The following JAM3 variants were observed in gnomAD, a reference collection of about 807,000 sequenced individuals.
JAM3 encodes junctional adhesion molecule 3, also known as junctional adhesion molecule C.
JAM3 carries 31 observed loss-of-function variants against 39.4 expected under a neutral mutation model. The observed-to-expected ratio is 0.79, with a 90% CI of 0.59 to 1.06. JAM3 has a LOEUF of 1.06. Ranked by LOEUF, JAM3 falls within the 50% of genes least tolerant of loss-of-function variation. The probability of loss-of-function intolerance (pLI) is 0.00; values close to 1 mark genes in which losing one functional copy is unlikely to be tolerated. For synonymous variants in JAM3, 182 were observed against 148.7 expected (o/e 1.22, Z -1.63); for missense variants, 455 against 391.4 (o/e 1.16, Z -1.37).
chr11:134,080,531 C>T (rs151244114), intron 1 of JAM3, among the ~76,000 whole-genome samples: 7 of 152,168 alleles, frequency 4.6e-5, no homozygotes, highest in East Asian at 1.9e-4. Context: ...GAGATCTGAT[C>T]GGTTTAAAAA....
At chr11:134,118,487 T>G (rs1314300852) in intron 1 of JAM3, among the ~76,000 whole-genome samples, 4 of 152,162 alleles carry the variant, frequency 2.6e-5, no homozygotes, top group Admixed American at 2.6e-4. Flanking sequence ...GGGAAGTCAT[T>G]GCACCACTAC....
At chr11:134,103,919 T>A (rs1383109532) in intron 1 of JAM3, among the ~76,000 whole-genome samples, 1 of 152,202 alleles carries the variant, frequency 6.6e-6, no homozygotes, top group Non-Finnish European at 1.5e-5. Context: ...TGGGAGACTT[T>A]AACACCCCAC....
Position 134,077,310 on chromosome 11 carries a change from TA to T in JAM3, c.76+8152del, listed in dbSNP as rs201406114. On this transcript the variant is annotated intron_variant, in intron 1 of 8. Coordinates refer to ENST00000299106, the MANE Select transcript of JAM3 (RefSeq NM_032801.5). ...TGTCTTGCCCACTTTTTAATGGGAT[TA>T]TTTTTTTCTTAAGTTCCTTATAGAT... 8.0e-3 allele frequency among the ~76,000 whole-genome samples: 1,222 copies of T among 152,258 alleles called. 14 individuals carry two copies. The highest frequency in any genetic ancestry group is 0.028 in the African/African-American group (1,164 of 41,538).
rs772396337 is a variant in JAM3 at position 134,150,952 on chromosome 11, C to G, written c.*1771C>G. The G allele has an allele frequency of 6.6e-6, 1 of 152,174 alleles. No individual in the cohort carries two copies. Among genetic ancestry groups the G allele is most frequent in the Non-Finnish European group, 1.5e-5 (1 of 68,032 alleles). 9.4% of individuals were successfully genotyped at this position (152,174 alleles called of 1,614,324 possible). On this transcript the variant is annotated 3_prime_UTR_variant, in exon 9 of 9. Coordinates refer to ENST00000299106, the MANE Select transcript of JAM3 (RefSeq NM_032801.5). Reference sequence around the variant, plus strand: ...TAATTTTGACTTTAAATTTTTCATCCGCCGGAGACACTGCTCCCATTTGTG... The same window carrying G: ...TAATTTTGACTTTAAATTTTTCATCGGCCGGAGACACTGCTCCCATTTGTG...
At chr11:134,148,722 A>G (rs1456542152) in intron 7 of JAM3, 42 bp from the exon 8 acceptor site, 2 of 1,614,124 alleles carry the variant, frequency 1.2e-6, no homozygotes, top group South Asian at 1.1e-5. Flanking sequence ...GCTGGCAATA[A>G]TATAACAACC....
At chr11:134,093,131 T>C (rs35610630) in intron 1 of JAM3, among the ~76,000 whole-genome samples, 30,744 of 104,512 alleles carry the variant, frequency 0.29, 8,665 homozygotes, top group African/African-American at 0.66. Context: ...CTGAGCCCTC[T>C]TTATTCATCA....
intron 1 of JAM3, among the ~76,000 whole-genome samples, chr11:134,139,407 G>T (rs470608): frequency 6.6e-6 from 1 of 151,990 alleles, no homozygotes; most frequent in East Asian, 1.9e-4. Flanking sequence ...ATGCCGTCCC[G>T]AAGGGAAGAG....
chr11:134,099,827 G>A (rs978894584), intron 1 of JAM3, among the ~76,000 whole-genome samples: 6 of 152,168 alleles, frequency 3.9e-5, no homozygotes, highest in East Asian at 1.9e-4. Context: ...GGCTGGTCTC[G>A]AACTCCAGAC....
At chr11:134,126,114 C>T (rs531522013) in intron 1 of JAM3, among the ~76,000 whole-genome samples, 23 of 152,266 alleles carry the variant, frequency 1.5e-4, no homozygotes, top group Non-Finnish European at 2.9e-4. Flanking sequence ...CTTCCCTGTC[C>T]CACCCTTGTC....
At chr11:134,078,812 G>A (rs946249846) in intron 1 of JAM3, among the ~76,000 whole-genome samples, 14 of 152,174 alleles carry the variant, frequency 9.2e-5, no homozygotes, top group Non-Finnish European at 1.5e-4. Flanking sequence ...GCCAAGGCAG[G>A]TGGATCACCT....
In JAM3 at chr11:134,131,472, G is replaced by A. The variant is rs77329359; in HGVS notation, c.77-8379G>A. Among the ~76,000 whole-genome samples the A allele has an allele frequency of 5.7e-3, 872 of 152,030 alleles. 6 individuals are homozygous for A. Among genetic ancestry groups the A allele is most frequent in the African/African-American group, 0.02 (820 of 41,450 alleles). ...GACAATCTGATTTCCAGAGTTAACC[G>A]TATTATAATAATCAAATGCCAGATT... On this transcript the variant is annotated intron_variant, in intron 1 of 8. Transcript: ENST00000299106.
chr11:134,141,432 C>G (rs1460849793), intron 3 of JAM3, among the ~76,000 whole-genome samples: 2 of 151,824 alleles, frequency 1.3e-5, no homozygotes, highest in East Asian at 3.9e-4. Flanking sequence ...GTTGCCGGTA[C>G]ATGGACAGGG....
At chr11:134,070,138 C>A in intron 1 of JAM3, 1 of 456,250 alleles carries the variant, frequency 2.2e-6, no homozygotes, top group Non-Finnish European at 4.4e-6. Context: ...CTTTCAGCAG[C>A]TCTGTGAGAT....
chr11:134,095,383 G>A (rs1941960251), intron 1 of JAM3, among the ~76,000 whole-genome samples: 1 of 152,064 alleles, frequency 6.6e-6, no homozygotes, highest in Admixed American at 6.5e-5. Flanking sequence ...TATAATCCCA[G>A]CACTTTGGGA....
In JAM3 at chr11:134,079,206, A is replaced by G. The variant is rs80223061; in HGVS notation, c.76+10047A>G. Among the ~76,000 whole-genome samples, 1,227 of 152,304 alleles carry G rather than the reference A, an allele frequency of 8.1e-3. 14 individuals are homozygous for G. The highest frequency in any genetic ancestry group is 0.028 in the African/African-American group (1,184 of 41,572). The stretch of plus-strand genomic sequence containing the variant: ...AAAAAATATACCAAACCCTACAACT[A>G]TAATCTCTGTCCTTGAATTAGTTTG... On this transcript the variant is annotated intron_variant, in intron 1 of 8. Coordinates refer to ENST00000299106, the MANE Select transcript of JAM3 (RefSeq NM_032801.5).
At chr11:134,107,179 G>A (rs565335548) in intron 1 of JAM3, among the ~76,000 whole-genome samples, 1 of 152,190 alleles carries the variant, frequency 6.6e-6, no homozygotes, top group African/African-American at 2.4e-5. Flanking sequence ...CATGTCCTTT[G>A]TCGGGATATG....
At chr11:134,128,534 A>C (rs1347245288) in intron 1 of JAM3, among the ~76,000 whole-genome samples, 1 of 152,118 alleles carries the variant, frequency 6.6e-6, no homozygotes, top group Non-Finnish European at 1.5e-5. Flanking sequence ...TGGATTATGG[A>C]GTTGGCTTCC....
chr11:134,148,823 T>C lies in JAM3; in HGVS notation c.897+5T>C. On this transcript the variant is annotated splice_donor_5th_base_variant and intron_variant, in intron 8 of 8. Coordinates refer to ENST00000299106, the MANE Select transcript of JAM3 (RefSeq NM_032801.5). ...TACATCCGCACTGACGAGGAGGTAA[T>C]CATTTAGTAAACCTGGAAACCTAGG... 6.2e-7 allele frequency: 1 copy of C among 1,613,948 alleles called. No homozygotes were observed. Among genetic ancestry groups the C allele is most frequent in the Non-Finnish European group, 8.5e-7 (1 of 1,179,912 alleles).
At chr11:134,078,178 G>A (rs544861622) in intron 1 of JAM3, among the ~76,000 whole-genome samples, 2 of 152,086 alleles carry the variant, frequency 1.3e-5, no homozygotes, top group East Asian at 3.9e-4. Flanking sequence ...GGAGGGCAGT[G>A]GCATGATCTC....
Sources: allele counts gnomAD v4.1 joint callset (sites outside exome capture counted in the v4.1 genomes callset), GRCh38; gene constraint gnomAD v4.1.1; transcripts MANE v1.5; gene names NCBI Gene and HGNC (gene_info 2026-07-23, HGNC 2026-07-21).